Variants in CNTN4 observed in about 807,000 individuals in gnomAD.
CNTN4 encodes contactin-4.
A neutral mutation model predicts 122.5 loss-of-function variants in CNTN4; 77 were observed. The ratio of observed to expected loss-of-function variants is 0.63; its 90% CI spans 0.52 to 0.76. The LOEUF (loss-of-function observed/expected upper bound fraction) is 0.76, where lower values mean the gene tolerates loss of function less well. Ranked by LOEUF, CNTN4 falls within the 30% of genes least tolerant of loss-of-function variation. CNTN4 has a pLI of 0.00. For missense variants in CNTN4, 1,256 were observed against 1,259.1 expected, an observed-to-expected ratio of 1.00 and a Z score of 0.04; for synonymous variants, 512 against 447.0, an observed-to-expected ratio of 1.15 and a Z score of -1.83.
intron 2 of CNTN4, among the ~76,000 whole-genome samples, chr3:2,317,746 C>G (rs1180766914): frequency 6.6e-6 from 1 of 152,112 alleles, no homozygotes; most frequent in Non-Finnish European, 1.5e-5. Context: ...TTGTAAAATG[C>G]TAGGTAGGAG....
intron 2 of CNTN4, among the ~76,000 whole-genome samples, chr3:2,309,201 A>G (rs1268975594): frequency 6.6e-6 from 1 of 151,926 alleles, no homozygotes; most frequent in East Asian, 1.9e-4. Context: ...CCCTTTTCTC[A>G]TTATAAAATC....
intron 3 of CNTN4, among the ~76,000 whole-genome samples, chr3:2,357,405 T>C (rs2044918381): frequency 6.6e-6 from 1 of 152,200 alleles, no homozygotes; most frequent in South Asian, 2.1e-4. Flanking sequence ...GGGACTAATA[T>C]TTATTATGTC....
intron 4 of CNTN4, among the ~76,000 whole-genome samples, chr3:2,672,721 C>T (rs2150391440): frequency 6.6e-6 from 1 of 152,306 alleles, no homozygotes; most frequent in East Asian, 1.9e-4. Context: ...TGGAGCTGTT[C>T]CTATTCGGCC....
At chr3:2,339,701 A>G (rs2044107796) in intron 3 of CNTN4, among the ~76,000 whole-genome samples, 1 of 152,204 alleles carries the variant, frequency 6.6e-6, no homozygotes, top group Non-Finnish European at 1.5e-5. Context: ...ACTGTCTACA[A>G]TGTATGCAAA....
At chr3:2,901,567 G>T (rs1210288986) in intron 11 of CNTN4, among the ~76,000 whole-genome samples, 1 of 152,202 alleles carries the variant, frequency 6.6e-6, no homozygotes, top group African/African-American at 2.4e-5. Context: ...CAGACAAATT[G>T]CAGGGGTATA....
chr3:2,496,434 A>G (rs950228579), intron 3 of CNTN4, among the ~76,000 whole-genome samples: 5 of 152,322 alleles, frequency 3.3e-5, no homozygotes, highest in African/African-American at 9.6e-5. Context: ...AGTCTGATAC[A>G]AATAAAAATA....
At chr3:2,169,326 A>G (rs1005060009) in intron 2 of CNTN4, among the ~76,000 whole-genome samples, 4 of 152,128 alleles carry the variant, frequency 2.6e-5, no homozygotes, top group East Asian at 1.9e-4. Flanking sequence ...CCACATCTCT[A>G]TTTTGAAAGA....
rs767987719 is a variant in CNTN4, at chr3:3,040,092, G to T, written c.2219G>T (p.Arg740Leu). ...GGCTTTGGTTATGTGGTGGCCTTCCGGCCCTACGGTAAAATGATCTGGATG... is the reference window on the plus strand; with the variant it reads ...GGCTTTGGTTATGTGGTGGCCTTCCTGCCCTACGGTAAAATGATCTGGATG... ...GRGFGYVVAF[R>L]PYGKMIWMLT... The change falls in exon 20 of 25, where the codon CGG (arginine) becomes CTG (leucine). Residue 740 changes from arginine to leucine, a missense_variant. Physicochemically the swap from Arg to Leu is moderately radical, Grantham distance 102. Transcript: ENST00000418658. The T allele has an allele frequency of 1.2e-6, 2 of 1,614,204 alleles. No individual in the cohort carries two copies. The highest frequency in any genetic ancestry group is 1.7e-6 in the Non-Finnish European group (2 of 1,180,014).
At position 2,755,010 on chromosome 3, in the gene CNTN4, A is replaced by C. The variant is rs370319418; in HGVS notation, c.358+9313A>C. 7.2e-5 allele frequency among the ~76,000 whole-genome samples: 11 copies of C among 152,234 alleles called. 1 individual carries two copies. Among genetic ancestry groups the C allele is most frequent in the South Asian group, 2.1e-4 (1 of 4,820 alleles). Reference sequence around the variant, plus strand: ...CTGTAATGATGGTGGTGGTAGTGGTAGTGGTGGTGGTGATAGAAAACTTTA... The same window carrying C: ...CTGTAATGATGGTGGTGGTAGTGGTCGTGGTGGTGGTGATAGAAAACTTTA... On this transcript the variant is annotated intron_variant, in intron 6 of 24. Coordinates refer to ENST00000418658, the MANE Select transcript of CNTN4 (RefSeq NM_175607.3).
intron 14 of CNTN4, among the ~76,000 whole-genome samples, chr3:3,006,096 T>C (rs556816571): frequency 1.3e-5 from 2 of 152,172 alleles, no homozygotes; most frequent in East Asian, 1.9e-4. Context: ...CAGGATGGTC[T>C]TGATCTCCTG....
Position 2,098,984 on chromosome 3 carries a change from T to G in CNTN4, c.-227+6T>G, listed in dbSNP as rs570506327. The G allele has an allele frequency of 5.3e-5, 8 of 152,322 alleles. No individual in the cohort carries two copies. In the South Asian group the frequency reaches 1.7e-3, roughly 32 times the overall value. 9.4% of individuals were successfully genotyped at this position (152,322 alleles called of 1,614,324 possible). The stretch of plus-strand genomic sequence containing the variant: ...CCCGGCGCCCCGGTGCTGAGGTAAG[T>G]GAGGCGGCAGCTGTGCGGGTCCGGC... On this transcript the variant is annotated splice_donor_region_variant and intron_variant, in intron 1 of 24. Transcript: ENST00000418658.
At chr3:2,103,281 T>A (rs1298596544) in intron 2 of CNTN4, among the ~76,000 whole-genome samples, 1 of 152,088 alleles carries the variant, frequency 6.6e-6, no homozygotes, top group Non-Finnish European at 1.5e-5. Context: ...AGAGAATTTT[T>A]TAAAATACTA....
At chr3:2,391,806 G>T (rs569084824) in intron 3 of CNTN4, among the ~76,000 whole-genome samples, 1 of 152,058 alleles carries the variant, frequency 6.6e-6, no homozygotes, top group East Asian at 1.9e-4. Flanking sequence ...AAAACTTACC[G>T]TAGCTAGCTT....
intron 16 of CNTN4, among the ~76,000 whole-genome samples, chr3:3,032,865 C>A (rs1699292308): frequency 6.6e-6 from 1 of 152,176 alleles, no homozygotes; most frequent in African/African-American, 2.4e-5. Flanking sequence ...AGGGAGTCCA[C>A]TTCCCTAAAA....
chr3:2,340,399 G>A (rs1046367411), intron 3 of CNTN4, among the ~76,000 whole-genome samples: 10 of 151,540 alleles, frequency 6.6e-5, no homozygotes, highest in South Asian at 4.2e-4. Flanking sequence ...AAAATTATTC[G>A]GTACAGGGTT....
intron 3 of CNTN4, among the ~76,000 whole-genome samples, chr3:2,553,809 C>A (rs2078612663): frequency 6.6e-6 from 1 of 152,128 alleles, no homozygotes; most frequent in Admixed American, 6.6e-5. Flanking sequence ...TCATTTCACT[C>A]TTTTCTATTA....
intron 3 of CNTN4, among the ~76,000 whole-genome samples, chr3:2,458,640 C>T (rs2049088228): frequency 1.3e-5 from 2 of 151,838 alleles, no homozygotes; most frequent in East Asian, 1.9e-4. Flanking sequence ...TTTTTCCCCA[C>T]GAAGTTAGTA....
rs1425291188 is a variant in CNTN4, at chr3:2,265,395, C to T, written c.-144-73783C>T. ...AAGTACATGGATTTATTTCTCAGTT[C>T]TCTGTTTTGTTCCATTGGTCCATTT... On this transcript the variant is annotated intron_variant, in intron 2 of 24. Transcript: ENST00000418658. Among the ~76,000 whole-genome samples the T allele has an allele frequency of 1.3e-5, 2 of 151,968 alleles. 1 individual carries two copies. The highest frequency in any genetic ancestry group is 4.8e-5 in the African/African-American group (2 of 41,394).
chr3:2,231,532 A>G (rs1335763532), intron 2 of CNTN4, among the ~76,000 whole-genome samples: 1 of 152,226 alleles, frequency 6.6e-6, no homozygotes, highest in African/African-American at 2.4e-5. Context: ...CAGTACATCT[A>G]TGCAAGGAAA....
Sources: allele counts gnomAD v4.1 joint callset (sites outside exome capture counted in the v4.1 genomes callset), GRCh38; gene constraint gnomAD v4.1.1; transcripts MANE v1.5; gene names NCBI Gene and HGNC (gene_info 2026-07-23, HGNC 2026-07-21).